The following EIF1AY variants were observed in gnomAD, a reference collection of about 807,000 sequenced individuals.
The protein encoded by EIF1AY is eukaryotic translation initiation factor 1A Y-linked.
For synonymous variants in EIF1AY, 16 were observed against 9.9 expected (o/e 1.62, Z -1.16); for missense variants, 19 against 30.6 (o/e 0.62, Z 0.89).
At chrY:20,582,219 ATTG>A in intron 2 of EIF1AY, among the ~76,000 whole-genome samples, 1 of 32,159 alleles carries the variant, frequency 3.1e-5, no homozygotes, top group Non-Finnish European at 7.6e-5. Flanking sequence ...TGTTGTTGTT[ATTG>A]TTGTTGTTGT....
intron 2 of EIF1AY, among the ~76,000 whole-genome samples, chrY:20,580,583 A>C: frequency 3.0e-5 from 1 of 33,134 alleles, no homozygotes; most frequent in African/African-American, 1.2e-4. Context: ...AAAAAGTTGC[A>C]TGTATTCTTC....
At chrY:20,581,567 G>A (rs2089350684) in intron 2 of EIF1AY, among the ~76,000 whole-genome samples, 1 of 32,803 alleles carries the variant, frequency 3.0e-5, no homozygotes, top group African/African-American at 1.2e-4. Flanking sequence ...CCTGACCTCA[G>A]GTAATGCACC....
chrY:20,576,193 C>G (rs9341311), intron 1 of EIF1AY, among the ~76,000 whole-genome samples: 8 of 33,738 alleles, frequency 2.4e-4, no homozygotes, highest in Admixed American at 2.1e-3. Context: ...TAGGCACATG[C>G]AAACACTTCC....
intron 2 of EIF1AY, among the ~76,000 whole-genome samples, chrY:20,581,443 T>C: frequency 3.1e-5 from 1 of 32,421 alleles, no homozygotes; most frequent in Non-Finnish European, 7.5e-5. Flanking sequence ...GCAGTTCTCC[T>C]GCCTCAGCCT....
In EIF1AY at chrY:20,584,900, T is replaced by C. The variant is rs17323322; in HGVS notation, c.255+376T>C. On this transcript the variant is annotated intron_variant, in intron 4 of 6. Coordinates refer to ENST00000361365, the MANE Select transcript of EIF1AY (RefSeq NM_004681.4). ...GCATTCAGCTAGGTATTTCAGACATTGTAGTTCCCAAATGCCGGTCTGTTA... is the reference window on the plus strand; with the variant it reads ...GCATTCAGCTAGGTATTTCAGACATCGTAGTTCCCAAATGCCGGTCTGTTA... 5.6e-3 allele frequency among the ~76,000 whole-genome samples: 188 copies of C among 33,505 alleles called. No individual in the cohort carries two copies. In the East Asian group the frequency reaches 0.14, roughly 26 times the overall value. The allele number at this position is 33,505 out of a possible 37,273, so 89.9% of individuals were successfully genotyped here.
rs1176617319 is a variant in EIF1AY at position 20,575,832 on chromosome Y, A to G, written c.-40A>G. ...GGCTCTTAGAGTAGTAACCGCCAGA[A>G]AGGAGTCGGAAGAGGTCTCACGAGG... is the stretch of plus-strand genomic sequence containing the variant. On this transcript the variant is annotated 5_prime_UTR_variant, in exon 1 of 7. Transcript: ENST00000361365. 1 of 381,771 alleles carries G rather than the reference A, an allele frequency of 2.6e-6. No homozygotes were observed. The highest frequency in any genetic ancestry group is 8.1e-5 in the Admixed American group (1 of 12,396).
chrY:20,576,946 A>T, intron 1 of EIF1AY, among the ~76,000 whole-genome samples: 3 of 33,705 alleles, frequency 8.9e-5, no homozygotes, highest in Non-Finnish European at 2.2e-4. Context: ...TTTATTTTTT[A>T]CTGCAAAATT....
At chrY:20,589,598 T>C (rs1390804030) in intron 6 of EIF1AY, 23 bp downstream of exon 6, 1 of 361,256 alleles carries the variant, frequency 2.8e-6, no homozygotes, top group Non-Finnish European at 4.0e-6. Context: ...ACCTAACAGG[T>C]ATTTTGTTTT....
chrY:20,591,243 C>T, intron 6 of EIF1AY, among the ~76,000 whole-genome samples: 1 of 32,835 alleles, frequency 3.0e-5, no homozygotes, highest in Non-Finnish European at 7.5e-5. Flanking sequence ...AGGACGCACC[C>T]ATGACACAGC....
At chrY:20,576,614 C>T (rs750698490) in intron 1 of EIF1AY, among the ~76,000 whole-genome samples, 1 of 34,011 alleles carries the variant, frequency 2.9e-5, no homozygotes, top group East Asian at 7.8e-4. Flanking sequence ...GGTAATCTCT[C>T]ACTTTTAGTG....
chrY:20,582,380 T>C, intron 2 of EIF1AY, among the ~76,000 whole-genome samples: 2 of 32,389 alleles, frequency 6.2e-5, no homozygotes, highest in African/African-American at 2.4e-4. Context: ...CCAGCTAATT[T>C]TTCTATCTTT....
At chrY:20,579,934 C>T (rs2089349442) in intron 2 of EIF1AY, among the ~76,000 whole-genome samples, 1 of 32,329 alleles carries the variant, frequency 3.1e-5, no homozygotes, top group Non-Finnish European at 7.5e-5. Context: ...TGTAAATATA[C>T]GTTCAGTATT....
At position 20,592,411 on chromosome Y, in the gene EIF1AY, A is replaced by G; in HGVS notation, c.*65A>G. ...TGGTTCTACAGTTGGGATTTTGGCC[A>G]TCATCAACCAAGAAGAGAAATTCAT... On this transcript the variant is annotated 3_prime_UTR_variant, in exon 7 of 7. Transcript: ENST00000361365. The G allele has an allele frequency of 4.2e-6, 1 of 239,439 alleles. No individual in the cohort carries two copies. The highest frequency in any genetic ancestry group is 1.1e-4 in the East Asian group (1 of 9,314). The allele number at this position is 239,439 out of a possible 400,897, so 59.7% of individuals were successfully genotyped here.
chrY:20,581,206 T>A, intron 2 of EIF1AY, among the ~76,000 whole-genome samples: 1 of 34,234 alleles, frequency 2.9e-5, no homozygotes, highest in East Asian at 7.5e-4. Context: ...ACCAGTTTTT[T>A]AATTTTCATT....
chrY:20,583,044 C>T, intron 3 of EIF1AY, among the ~76,000 whole-genome samples: 1 of 32,832 alleles, frequency 3.0e-5, no homozygotes, highest in African/African-American at 1.2e-4. Flanking sequence ...AGAGATTGAT[C>T]GGTGCATATC....
At chrY:20,582,766 C>A in intron 3 of EIF1AY, 73 bp downstream of exon 3, 1 of 177,118 alleles carries the variant, frequency 5.6e-6, no homozygotes, top group Non-Finnish European at 9.7e-6. Context: ...ATGGTCCAAG[C>A]AATTTATTTT....
chrY:20,579,557 T>C, intron 1 of EIF1AY, 51 bp from the exon 2 acceptor site: 2 of 249,791 alleles, frequency 8.0e-6, no homozygotes, highest in Non-Finnish European at 1.2e-5. Flanking sequence ...GTTTATATGA[T>C]ATTATGTAGA....
At chrY:20,579,085 T>C in intron 1 of EIF1AY, among the ~76,000 whole-genome samples, 2 of 33,734 alleles carry the variant, frequency 5.9e-5, no homozygotes, top group Non-Finnish European at 1.5e-4. Context: ...AATTAAAACA[T>C]TGGAAGAAAT....
chrY:20,586,171 T>C (rs2124357391), intron 4 of EIF1AY, among the ~76,000 whole-genome samples: 1 of 33,398 alleles, frequency 3.0e-5, no homozygotes, highest in East Asian at 7.8e-4. Flanking sequence ...AGGGCTTTCC[T>C]ATGTCTTTCT....
Sources: gnomAD v4.1 joint callset for allele counts (sites outside exome capture counted in the v4.1 genomes callset) on GRCh38, gnomAD v4.1.1 for gene constraint, MANE v1.5 for transcripts, NCBI Gene and HGNC (gene_info 2026-07-23, HGNC 2026-07-21) for gene names.